The following KCNG3 variants were observed in gnomAD, a reference collection of about 807,000 sequenced individuals.
KCNG3 encodes the protein voltage-gated potassium channel regulatory subunit KCNG3.
A neutral mutation model predicts 29.0 loss-of-function variants in KCNG3; 15 were observed. The ratio of observed to expected loss-of-function variants is 0.52; its 90% CI spans 0.35 to 0.80. KCNG3 has a LOEUF of 0.80. Among genes scored for constraint, KCNG3 ranks in the 30% least tolerant of loss-of-function variants. The pLI is 0.01. For missense variants in KCNG3, 512 were observed against 605.7 expected, an observed-to-expected ratio of 0.85 and a Z score of 1.62; for synonymous variants, 322 against 248.9, an observed-to-expected ratio of 1.29 and a Z score of -2.76.
the KCNG3 span, among the ~76,000 whole-genome samples, chr2:42,408,238 T>G: frequency 0.78 from 118,086 of 152,108 alleles, 46,553 homozygotes; most frequent in African/African-American, 0.9. Flanking sequence ...CTCCTGGGCG[T>G]AAGAGGGCGA....
chr2:42,444,666 C>T lies in KCNG3; in HGVS notation c.666-87G>A. On this transcript the variant is annotated intron_variant, in intron 1 of 1. Transcript: ENST00000306078. This position sits in a 1 kb window ranked among gnomAD's most constrained non-coding sequence, Gnocchi z 5.8. ...ATTTCTTCAGATAGTACTACACTGA[C>T]ATACTAATTCAGTTACTTTTCCAGA... The T allele has an allele frequency of 8.6e-7, 1 of 1,159,524 alleles. No homozygotes were observed. The highest frequency in any genetic ancestry group is 1.5e-5 in the South Asian group (1 of 64,726). The allele number at this position is 1,159,524 out of a possible 1,614,324, so 71.8% of individuals were successfully genotyped here.
chr2:42,407,271 G>T, the KCNG3 span, among the ~76,000 whole-genome samples: 1 of 150,902 alleles, frequency 6.6e-6, no homozygotes, highest in African/African-American at 2.4e-5. Context: ...AACCTCTTGA[G>T]CTCAAGCAAT....
At chr2:42,479,521 T>C (rs575760743) in intron 1 of KCNG3, among the ~76,000 whole-genome samples, 56 of 151,660 alleles carry the variant, frequency 3.7e-4, no homozygotes, top group African/African-American at 1.3e-3. Context: ...TGGTGCATGC[T>C]TGTAGTCCCA....
chr2:42,408,735 T>A, the KCNG3 span, among the ~76,000 whole-genome samples: 2 of 152,092 alleles, frequency 1.3e-5, no homozygotes, highest in African/African-American at 4.8e-5. Context: ...GCACAAGAAC[T>A]CGGGACCATG....
intron 1 of KCNG3, among the ~76,000 whole-genome samples, chr2:42,454,694 G>C (rs779617566): frequency 6.7e-6 from 1 of 149,028 alleles, no homozygotes; most frequent in Non-Finnish European, 1.5e-5. Flanking sequence ...GACAGAGCAA[G>C]ACTCTGCCTC....
At chr2:42,415,960 C>A in the KCNG3 span, among the ~76,000 whole-genome samples, 1 of 152,036 alleles carries the variant, frequency 6.6e-6, no homozygotes, top group African/African-American at 2.4e-5. Flanking sequence ...TTTGGGAGGC[C>A]GATGTGGGTG....
At chr2:42,436,475 A>G in the KCNG3 span, among the ~76,000 whole-genome samples, 2 of 152,220 alleles carry the variant, frequency 1.3e-5, no homozygotes, top group East Asian at 1.9e-4. Flanking sequence ...CTCTTGCTAG[A>G]TAGACTAAAG....
chr2:42,417,223 A>G, the KCNG3 span, among the ~76,000 whole-genome samples: 2 of 151,630 alleles, frequency 1.3e-5, no homozygotes, highest in Non-Finnish European at 2.9e-5. Flanking sequence ...GGCCTGGGCA[A>G]CAGAGCAAGA....
At chr2:42,465,134 T>C (rs1304748799) in intron 1 of KCNG3, among the ~76,000 whole-genome samples, 3 of 152,194 alleles carry the variant, frequency 2.0e-5, no homozygotes, top group African/African-American at 7.2e-5. Flanking sequence ...CACACAAAAA[T>C]TAATGAGAAT....
intron 1 of KCNG3, among the ~76,000 whole-genome samples, chr2:42,480,422 G>C (rs538235484): frequency 1.3e-5 from 2 of 152,280 alleles, no homozygotes; most frequent in Admixed American, 6.5e-5. Flanking sequence ...ATCAGGGGTT[G>C]GCAAATGTTT....
chr2:42,447,228 A>G lies in KCNG3; in HGVS notation c.666-2649T>C, dbSNP rs189876938. On this transcript the variant is annotated intron_variant, in intron 1 of 1. Coordinates refer to ENST00000306078, the MANE Select transcript of KCNG3 (RefSeq NM_133329.6). ...AGCTATTTGATGTATGTACAAACAA[A>G]CAAAAATTTTTACTTACATGTGTAT... 1.6e-3 allele frequency among the ~76,000 whole-genome samples: 248 copies of G among 151,968 alleles called. 2 individuals carry two copies. Among genetic ancestry groups the G allele is most frequent in the Non-Finnish European group, 1.9e-3 (129 of 68,004 alleles).
chr2:42,412,811 T>C, the KCNG3 span, among the ~76,000 whole-genome samples: 1 of 152,340 alleles, frequency 6.6e-6, no homozygotes, highest in African/African-American at 2.4e-5. Context: ...TTCAGTGATG[T>C]TTTCTTCCCA....
the KCNG3 span, among the ~76,000 whole-genome samples, chr2:42,394,338 G>A: frequency 6.6e-6 from 1 of 152,264 alleles, no homozygotes; most frequent in South Asian, 2.1e-4. Context: ...CAGCCTAAGG[G>A]TGGATATCAG....
chr2:42,413,058 C>T, the KCNG3 span, among the ~76,000 whole-genome samples: 1 of 152,258 alleles, frequency 6.6e-6, no homozygotes, highest in African/African-American at 2.4e-5. Flanking sequence ...CAGCTTTTAT[C>T]CCCAGGGCTC....
At chr2:42,449,735 G>C (rs1013694971) in intron 1 of KCNG3, among the ~76,000 whole-genome samples, 5 of 152,104 alleles carry the variant, frequency 3.3e-5, no homozygotes, top group African/African-American at 1.2e-4. Context: ...AAAGGCATGA[G>C]CCACCGCACC....
chr2:42,491,687 T>C (rs1355521326), intron 1 of KCNG3, among the ~76,000 whole-genome samples: 6 of 152,194 alleles, frequency 3.9e-5, no homozygotes, highest in South Asian at 2.1e-4. Context: ...GAAGAAATAA[T>C]AGACTCCGTG....
At chr2:42,450,194 T>C (rs1033310883) in intron 1 of KCNG3, among the ~76,000 whole-genome samples, 2 of 152,216 alleles carry the variant, frequency 1.3e-5, no homozygotes, top group African/African-American at 4.8e-5. Flanking sequence ...TGGTGTGGAA[T>C]AATCTCTCAA....
chr2:42,478,241 T>A (rs904883481), intron 1 of KCNG3, among the ~76,000 whole-genome samples: 3 of 152,166 alleles, frequency 2.0e-5, no homozygotes, highest in African/African-American at 7.2e-5. Context: ...TATATTAAAC[T>A]AGAATTTTTT....
At chr2:42,419,291 G>A in the KCNG3 span, among the ~76,000 whole-genome samples, 1 of 130,600 alleles carries the variant, frequency 7.7e-6, no homozygotes, top group African/African-American at 2.9e-5. Context: ...AGGCTGGAGT[G>A]CAGTGGTGCA....
Sources: allele counts gnomAD v4.1 joint callset (sites outside exome capture counted in the v4.1 genomes callset), GRCh38; gene constraint gnomAD v4.1.1; non-coding constraint Gnocchi (gnomAD v3.1); transcripts MANE v1.5; gene names NCBI Gene and HGNC (gene_info 2026-07-23, HGNC 2026-07-21).